Variants in ZMYM1 observed in about 807,000 individuals in gnomAD.
ZMYM1 encodes the protein zinc finger MYM-type protein 1.
ZMYM1 carries 39 observed loss-of-function variants against 60.0 expected under a neutral mutation model. The observed-to-expected ratio is 0.65, with a 90% CI of 0.50 to 0.85. The LOEUF is 0.85. Ranked by LOEUF, ZMYM1 falls within the 40% of genes least tolerant of loss-of-function variation. The pLI is 0.00. For missense variants in ZMYM1, 1,171 were observed against 1,309.5 expected (o/e 0.89, Z 1.63); for synonymous variants, 413 against 454.0 (o/e 0.91, Z 1.15).
chr1:35,098,000 T>C (rs2148525161), intron 4 of ZMYM1, among the ~76,000 whole-genome samples: 1 of 152,320 alleles, frequency 6.6e-6, no homozygotes, highest in South Asian at 2.1e-4. Context: ...AAAGAAGTTT[T>C]TTCTACTTTT....
At chr1:35,092,347 C>A (rs1172668473) in intron 1 of ZMYM1, among the ~76,000 whole-genome samples, 2 of 151,974 alleles carry the variant, frequency 1.3e-5, no homozygotes, top group Non-Finnish European at 2.9e-5. Flanking sequence ...ATTCTCCTGC[C>A]TTAGCTTCCT....
At chr1:35,076,704 G>A (rs1642173221), upstream of ZMYM1, among the ~76,000 whole-genome samples, 1 of 151,438 alleles carries the variant, frequency 6.6e-6, no homozygotes, top group Non-Finnish European at 1.5e-5. Flanking sequence ...AGGCTGAGGT[G>A]GGCAGATCAC....
chr1:35,067,607 G>A (rs773410931), intron 1 of ZMYM1, among the ~76,000 whole-genome samples: 1 of 152,126 alleles, frequency 6.6e-6, no homozygotes, highest in Non-Finnish European at 1.5e-5. Flanking sequence ...GGGTGCAGTG[G>A]CTCACTCCTG....
At position 35,110,454 on chromosome 1, in the gene ZMYM1, T is replaced by G. The variant is rs761591232; in HGVS notation, c.961+7T>G. On this transcript the variant is annotated splice_region_variant and intron_variant, in intron 7 of 9. Transcript: ENST00000359858. Reference sequence around the variant, plus strand: ...AAGATGGAATCTTCTTCAGGTAATGTTTGTTTAGCAATTGTAGGGGTTTAG... The same window carrying G: ...AAGATGGAATCTTCTTCAGGTAATGGTTGTTTAGCAATTGTAGGGGTTTAG... 75 of 1,472,978 alleles carry G rather than the reference T, an allele frequency of 5.1e-5. 1 individual carries two copies. Among genetic ancestry groups the G allele is most frequent in the Non-Finnish European group, 6.2e-5 (69 of 1,113,464 alleles). 91.2% of individuals were successfully genotyped at this position (1,472,978 alleles called of 1,614,324 possible).
At chr1:35,064,471 G>A (rs985261812) in intron 1 of ZMYM1, among the ~76,000 whole-genome samples, 1 of 151,746 alleles carries the variant, frequency 6.6e-6, no homozygotes, top group African/African-American at 2.4e-5. Context: ...TACATTTATA[G>A]GACACTCCAC....
rs1178477801 is a variant in ZMYM1 at position 35,068,647 on chromosome 1, A to AT, written c.-301+8722_-301+8723insT. Among the ~76,000 whole-genome samples, 927 of 149,376 alleles carry AT rather than the reference A, an allele frequency of 6.2e-3. 7 individuals carry two copies. Among genetic ancestry groups the AT allele is most frequent in the African/African-American group, 0.021 (874 of 40,922 alleles). On this transcript the variant is annotated intron_variant, in intron 1 of 10. Coordinates refer to the ZMYM1 transcript ENST00000417119. ...AACTGGAAATCCATACGCAAAAAAA[A>AT]AAATATATATATATATATATAAAAC...
At chr1:35,111,722 CT>C in intron 7 of ZMYM1, 49 bp from the exon 8 acceptor site, 1 of 1,507,288 alleles carries the variant, frequency 6.6e-7, no homozygotes, top group Non-Finnish European at 8.9e-7. Flanking sequence ...ACAGTACTTT[CT>C]GATGATTGAT....
At chr1:35,104,790 T>A (rs757074359) in intron 6 of ZMYM1, 21 bp downstream of exon 6, 17 of 1,578,366 alleles carry the variant, frequency 1.1e-5, no homozygotes, top group Non-Finnish European at 1.3e-5. Context: ...AGACCTATTG[T>A]TTCTTCTATT....
At chr1:35,068,917 A>G (rs114890465) in intron 1 of ZMYM1, among the ~76,000 whole-genome samples, 5,393 of 152,112 alleles carry the variant, frequency 0.035, 340 homozygotes, top group African/African-American at 0.12. Context: ...GCTCACTGCA[A>G]TCTCCGCCTC....
chr1:35,063,371 G>C (rs900518928), intron 1 of ZMYM1, among the ~76,000 whole-genome samples: 1 of 152,074 alleles, frequency 6.6e-6, no homozygotes, highest in Admixed American at 6.6e-5. Context: ...GCAGTGGCAT[G>C]ATCCTGGCTC....
At chr1:35,105,203 C>T (rs766638744) in intron 6 of ZMYM1, among the ~76,000 whole-genome samples, 37 of 129,710 alleles carry the variant, frequency 2.9e-4, no homozygotes, top group Non-Finnish European at 5.3e-4. Flanking sequence ...GGCGCGATCT[C>T]GGCTCACTGC....
chr1:35,095,998 T>G, intron 3 of ZMYM1, 107 bp downstream of exon 3: 3 of 856,046 alleles, frequency 3.5e-6, no homozygotes, highest in Non-Finnish European at 5.6e-6. Flanking sequence ...GGGTTTTAAG[T>G]CCAGGAGAAG....
intron 4 of ZMYM1, among the ~76,000 whole-genome samples, chr1:35,098,062 G>C (rs1036117415): frequency 6.6e-6 from 1 of 152,040 alleles, no homozygotes; most frequent in African/African-American, 2.4e-5. Context: ...AAATTAATGT[G>C]AAAAGTACTG....
At chr1:35,064,907 C>T (rs925593695) in intron 1 of ZMYM1, among the ~76,000 whole-genome samples, 1 of 151,876 alleles carries the variant, frequency 6.6e-6, no homozygotes. Flanking sequence ...TATCTCCTGA[C>T]CTCGTGATCC....
chr1:35,100,458 C>A (rs186257721), intron 4 of ZMYM1, among the ~76,000 whole-genome samples: 64 of 151,938 alleles, frequency 4.2e-4, no homozygotes, highest in African/African-American at 1.4e-3. Flanking sequence ...CCTGTCTCTA[C>A]TAAAAATATA....
In ZMYM1 at chr1:35,114,987, T is replaced by G. The variant is rs1333882202; in HGVS notation, c.3157T>G (p.Leu1053Val). ...CATAAACTTCGTCAGTCTCGGCTGT[T>G]TGTTTATTCAGCATGGTCTTCACAG... Reference protein sequence around the residue: ...SCINFVSLGCLFIQHGLHSNI... With the variant: ...SCINFVSLGCVFIQHGLHSNI... Residue 1053 changes from leucine to valine, a missense_variant, in exon 10 of 10, where the codon TTG (leucine) becomes GTG (valine). Coordinates refer to ENST00000359858, the MANE Select transcript of ZMYM1 (RefSeq NM_024772.5). The G allele has an allele frequency of 1.2e-6, 2 of 1,614,122 alleles. No individual in the cohort carries two copies. The highest frequency in any genetic ancestry group is 3.3e-5 in the Admixed American group (2 of 60,028).
At chr1:35,073,338 A>AAGGAAGGAAGG (rs1553136867) in intron 1 of ZMYM1, among the ~76,000 whole-genome samples, 2,837 of 115,690 alleles carry the variant, frequency 0.025, 79 homozygotes, top group East Asian at 0.14. Flanking sequence ...AGAAAGAAAG[A>AAGGAAGGAAGG]AAGGAAGGAA....
chr1:35,063,259 T>C (rs547329458), intron 1 of ZMYM1, among the ~76,000 whole-genome samples: 1 of 152,048 alleles, frequency 6.6e-6, no homozygotes, highest in Non-Finnish European at 1.5e-5. Flanking sequence ...CTAGAGTAGC[T>C]GGGACTACAG....
At position 35,115,738 on chromosome 1, in the gene ZMYM1, GAT is replaced by G. The variant is rs1644241317; in HGVS notation, c.*482_*483del. The G allele has an allele frequency of 1.3e-5, 2 of 152,388 alleles. No homozygotes were observed. The highest frequency in any genetic ancestry group is 2.9e-5 in the Non-Finnish European group (2 of 68,238). 9.4% of individuals were successfully genotyped at this position (152,388 alleles called of 1,614,324 possible). A position where few individuals can be genotyped will look rare whatever the true frequency, so the allele number is the denominator to read the frequency against. Reference sequence around the variant, plus strand: ...TCTAAAGTTAGAATTACTAGGTTAAGATATGTGCATTTTTACTTTTGATAGAT... The same window carrying G: ...TCTAAAGTTAGAATTACTAGGTTAAGATGTGCATTTTTACTTTTGATAGAT... On this transcript the variant is annotated 3_prime_UTR_variant, in exon 10 of 10. Transcript: ENST00000359858.
Sources: allele counts gnomAD v4.1 joint callset (sites outside exome capture counted in the v4.1 genomes callset), GRCh38; gene constraint gnomAD v4.1.1; transcripts MANE v1.5; gene names NCBI Gene and HGNC (gene_info 2026-07-23, HGNC 2026-07-21).